GCSAML: variants seen among roughly 807,000 people sequenced by gnomAD.
GCSAML encodes the protein germinal center-associated signaling and motility-like protein.
In GCSAML, 9 loss-of-function variants were observed where a neutral mutation model predicts 13.0. The ratio of observed to expected loss-of-function variants is 0.69; its 90% CI spans 0.42 to 1.21. The LOEUF is 1.21. Among genes scored for constraint, GCSAML ranks in the 50% most tolerant of loss-of-function variants. The probability of loss-of-function intolerance (pLI) is 0.00; values close to 1 mark genes in which losing one functional copy is unlikely to be tolerated. For synonymous variants in GCSAML, 37 were observed against 52.9 expected (o/e 0.70, Z 1.31); for missense variants, 143 against 153.4 (o/e 0.93, Z 0.36).
chr1:247,511,405 G>A (rs138538252), intron 1 of GCSAML, among the ~76,000 whole-genome samples: 3,694 of 151,976 alleles, frequency 0.024, 150 homozygotes, highest in African/African-American at 0.084. Flanking sequence ...GAGCTTATGT[G>A]TGTCTTTGCA....
chr1:247,549,048 C>T, upstream of GCSAML: 3 of 1,587,124 alleles, frequency 1.9e-6, no homozygotes, highest in Non-Finnish European at 2.6e-6. Context: ...TGCGCAGGCC[C>T]CTGGCAGCTC....
chr1:247,520,900 A>G (rs965117788), intron 1 of GCSAML, among the ~76,000 whole-genome samples: 2 of 152,192 alleles, frequency 1.3e-5, no homozygotes, highest in African/African-American at 4.8e-5. Context: ...AGTTTGTTGC[A>G]ATCTTCTGTG....
intron 2 of GCSAML, among the ~76,000 whole-genome samples, chr1:247,542,129 A>C (rs187222369): frequency 1.3e-5 from 2 of 152,328 alleles, no homozygotes; most frequent in African/African-American, 4.8e-5. Context: ...ATGCAAGCCA[A>C]GCTGGGCATT....
In GCSAML at chr1:247,565,933, C is replaced by A; in HGVS notation, c.142C>A (p.Gln48Lys). The A allele has an allele frequency of 6.4e-7, 1 of 1,550,446 alleles. No individual in the cohort carries two copies. The highest frequency in any genetic ancestry group is 1.4e-5 in the African/African-American group (1 of 70,354). Residue 48 changes from glutamine (Q) to lysine (K), a missense_variant and splice_region_variant, in exon 4 of 5, where the codon CAA becomes AAA. Coordinates refer to ENST00000366488, the MANE Select transcript of GCSAML (RefSeq NM_145278.5). ...TTTTTTTTTTTTTAATTCTCCAGGCCAAGAAGTTTCATCCACTTCTAATCA... is the reference window on the plus strand; with the variant it reads ...TTTTTTTTTTTTTAATTCTCCAGGCAAAGAAGTTTCATCCACTTCTAATCA... ...RKLQDQDKKS[Q>K]EVSSTSNQEN...
chr1:247,548,220 C>T (rs535812776), upstream of GCSAML, among the ~76,000 whole-genome samples: 2 of 152,332 alleles, frequency 1.3e-5, no homozygotes, highest in South Asian at 4.1e-4. The surrounding 1 kb of genome is among the most constrained non-coding windows in gnomAD (Gnocchi z 5.3). Context: ...CATGAATAAG[C>T]GATTTCAGTC....
chr1:247,566,509 C>T (rs1170014418), intron 4 of GCSAML, among the ~76,000 whole-genome samples: 1 of 152,200 alleles, frequency 6.6e-6, no homozygotes, highest in Non-Finnish European at 1.5e-5. Flanking sequence ...TCCCAAAGTG[C>T]AGGGGTAACA....
chr1:247,548,963 C>A, upstream of GCSAML: 2 of 1,014,874 alleles, frequency 2.0e-6, no homozygotes, highest in Non-Finnish European at 2.8e-6. The surrounding 1 kb of genome is among the most constrained non-coding windows in gnomAD (Gnocchi z 5.3). Context: ...TGTGTGTGTG[C>A]GTGCAGGCAC....
rs57090498 is a variant in GCSAML, at chr1:247,562,301, G to A, written c.90-1289G>A. On this transcript the variant is annotated intron_variant, in intron 2 of 4. Coordinates refer to ENST00000366488, the MANE Select transcript of GCSAML (RefSeq NM_145278.5). ...CTCCTCAGGAAGAAATTTAGACAAA[G>A]TATGGCGCTGGGAGTTCAGTCCTCA... is the stretch of plus-strand genomic sequence containing the variant. Among the ~76,000 whole-genome samples, 93 of 152,280 alleles carry A rather than the reference G, an allele frequency of 6.1e-4. 1 individual carries two copies. Among genetic ancestry groups the A allele is most frequent in the African/African-American group, 2.2e-3 (91 of 41,556 alleles).
chr1:247,516,031 G>A (rs1666198699), intron 1 of GCSAML, among the ~76,000 whole-genome samples: 2 of 152,182 alleles, frequency 1.3e-5, no homozygotes, highest in South Asian at 2.1e-4. Context: ...TGTTTAGGCT[G>A]TTAGGTGGAC....
At chr1:247,561,800 C>T (rs1005577954) in intron 2 of GCSAML, among the ~76,000 whole-genome samples, 3 of 151,994 alleles carry the variant, frequency 2.0e-5, no homozygotes, top group Non-Finnish European at 2.9e-5. Flanking sequence ...GATAAAATTG[C>T]GTGTATGCGT....
At position 247,549,230 on chromosome 1, in the gene GCSAML, G is replaced by A; in HGVS notation, c.29+10G>A. On this transcript the variant is annotated intron_variant, in intron 1 of 4. Transcript: ENST00000366488. ...TCCTGCGAAAACTCAGGTGAGTCTT[G>A]ACTCTTGGTGCCGCCTTTCTTGGGA... 1 of 1,611,558 alleles carries A rather than the reference G, an allele frequency of 6.2e-7. No individual in the cohort carries two copies. The highest frequency in any genetic ancestry group is 8.5e-7 in the Non-Finnish European group (1 of 1,177,722).
intron 2 of GCSAML, among the ~76,000 whole-genome samples, chr1:247,557,061 A>T (rs907680946): frequency 2.0e-5 from 3 of 152,152 alleles, no homozygotes; most frequent in African/African-American, 7.2e-5. Flanking sequence ...TGCACAATTA[A>T]AAAAAAATTC....
chr1:247,510,419 G>A (rs1665992362), intron 1 of GCSAML, among the ~76,000 whole-genome samples: 1 of 152,000 alleles, frequency 6.6e-6, no homozygotes, highest in Non-Finnish European at 1.5e-5. Context: ...AGTCTGGCTT[G>A]TGGTCTATCT....
intron 1 of GCSAML, chr1:247,519,175 G>A (rs1302074559): frequency 6.6e-6 from 1 of 152,234 alleles, no homozygotes; most frequent in Non-Finnish European, 1.5e-5. Context: ...TTGCTTGCAG[G>A]TGGACTGACT....
chr1:247,514,274 C>A (rs1406215860), intron 1 of GCSAML, among the ~76,000 whole-genome samples: 1 of 152,190 alleles, frequency 6.6e-6, no homozygotes, highest in Non-Finnish European at 1.5e-5. Flanking sequence ...CCACCACTCC[C>A]AGCCTGGAAA....
chr1:247,517,200 G>A (rs957589015), intron 1 of GCSAML, among the ~76,000 whole-genome samples: 1 of 152,184 alleles, frequency 6.6e-6, no homozygotes, highest in African/African-American at 2.4e-5. Flanking sequence ...CAAGAGATTG[G>A]ACCAAATCTT....
At chr1:247,513,707 G>A (rs571226152) in intron 1 of GCSAML, among the ~76,000 whole-genome samples, 50 of 152,314 alleles carry the variant, frequency 3.3e-4, no homozygotes, top group African/African-American at 1.2e-3. Context: ...ATCTGGGGCT[G>A]CAGTGCACCA....
chr1:247,551,181 G>C (rs1342992152), intron 1 of GCSAML, among the ~76,000 whole-genome samples: 2 of 152,186 alleles, frequency 1.3e-5, no homozygotes, highest in South Asian at 2.1e-4. Flanking sequence ...TAAAAGGAAG[G>C]AAGGAAGGGA....
intron 2 of GCSAML, among the ~76,000 whole-genome samples, chr1:247,533,130 C>G (rs1667073318): frequency 6.6e-6 from 1 of 152,060 alleles, no homozygotes; most frequent in East Asian, 1.9e-4. Context: ...CCCTTCTCAC[C>G]ACCCCTGCTC....
Sources: allele counts gnomAD v4.1 joint callset (sites outside exome capture counted in the v4.1 genomes callset), GRCh38; gene constraint gnomAD v4.1.1; non-coding constraint Gnocchi (gnomAD v3.1); transcripts MANE v1.5; gene names NCBI Gene and HGNC (gene_info 2026-07-23, HGNC 2026-07-21).